The following SCAPER variants were observed in gnomAD, a reference collection of about 807,000 sequenced individuals.
SCAPER encodes S-phase cyclin A associated protein in the ER, also known as S phase cyclin A-associated protein in the endoplasmic reticulum.
SCAPER carries 98 observed loss-of-function variants against 182.2 expected under a neutral mutation model. That is an observed-to-expected ratio of 0.54 (90% CI 0.46 to 0.64). SCAPER has a LOEUF of 0.64. SCAPER is among the 30% of genes least tolerant of loss of function. The probability of loss-of-function intolerance (pLI) is 0.00; values close to 1 mark genes in which losing one functional copy is unlikely to be tolerated. For synonymous variants in SCAPER, 605 were observed against 564.6 expected (o/e 1.07, Z -1.01); for missense variants, 1,432 against 1,690.0 (o/e 0.85, Z 2.68).
intron 20 of SCAPER, among the ~76,000 whole-genome samples, chr15:76,679,222 C>G (rs2057544322): frequency 6.6e-6 from 1 of 152,112 alleles, no homozygotes. Context: ...TGAAATTTGT[C>G]AGAGGTGGGC....
At chr15:76,523,407 G>C (rs965860438) in intron 23 of SCAPER, among the ~76,000 whole-genome samples, 6 of 151,970 alleles carry the variant, frequency 3.9e-5, no homozygotes, top group African/African-American at 1.4e-4. Flanking sequence ...TGGTTCCCAG[G>C]TCAGTCACTG....
chr15:76,609,728 A>G (rs1298926716), intron 22 of SCAPER, among the ~76,000 whole-genome samples: 2 of 152,236 alleles, frequency 1.3e-5, no homozygotes, highest in Non-Finnish European at 2.9e-5. Context: ...GACATGATGT[A>G]CTAGGTAAAT....
At chr15:76,648,049 A>C (rs575178230) in intron 21 of SCAPER, among the ~76,000 whole-genome samples, 2 of 152,312 alleles carry the variant, frequency 1.3e-5, no homozygotes, top group South Asian at 2.1e-4. Context: ...CAATATATGA[A>C]AAAAATAAAA....
At chr15:76,506,479 T>C (rs1000707689) in intron 23 of SCAPER, among the ~76,000 whole-genome samples, 11 of 152,062 alleles carry the variant, frequency 7.2e-5, no homozygotes, top group Non-Finnish European at 1.6e-4. Context: ...TGATTTTAAT[T>C]ATAAGTACCT....
chr15:76,723,276 G>C (rs2060372518), intron 17 of SCAPER, among the ~76,000 whole-genome samples: 1 of 152,106 alleles, frequency 6.6e-6, no homozygotes, highest in Admixed American at 6.5e-5. Flanking sequence ...TAGTTTGATT[G>C]CACTGTGGTC....
intron 14 of SCAPER, among the ~76,000 whole-genome samples, chr15:76,755,866 A>T: frequency 6.6e-6 from 1 of 152,202 alleles, no homozygotes; most frequent in East Asian, 1.9e-4. Context: ...GCCCACAGCC[A>T]AAGGGGAACG....
chr15:76,702,934 G>T lies in SCAPER; in HGVS notation c.2316C>A (p.Ser772Arg). The change falls in exon 19 of 32, where the codon AGC becomes AGA. Residue 772 changes from serine to arginine, a missense_variant. Transcript: ENST00000563290. ...EQRKEKAAEL[S>R]SGRHANTDYA... ...AATCAGTATTTGCATGTCGCCCACT[G>T]CTTAGCTCAGCAGCTTTTTCTTTTC... 6.2e-7 allele frequency: 1 copy of T among 1,610,514 alleles called. No individual in the cohort carries two copies. The highest frequency in any genetic ancestry group is 8.5e-7 in the Non-Finnish European group (1 of 1,178,792).
chr15:76,372,012 TCTTA>T (rs765519719), intron 29 of SCAPER, among the ~76,000 whole-genome samples: 1 of 152,172 alleles, frequency 6.6e-6, no homozygotes, highest in African/African-American at 2.4e-5. Context: ...TCTATCAGCT[TCTTA>T]CTTCTCTACC....
At chr15:76,711,607 A>C (rs897210535) in intron 17 of SCAPER, among the ~76,000 whole-genome samples, 1 of 151,930 alleles carries the variant, frequency 6.6e-6, no homozygotes, top group African/African-American at 2.4e-5. Context: ...CTATGAAAAA[A>C]TAGTTTTTAA....
chr15:76,528,826 C>T (rs2043403001), intron 23 of SCAPER, among the ~76,000 whole-genome samples: 1 of 152,180 alleles, frequency 6.6e-6, no homozygotes, highest in Non-Finnish European at 1.5e-5. Flanking sequence ...CTGATTATCT[C>T]TCTAGTCTCA....
chr15:76,627,409 T>G (rs1326587333), intron 21 of SCAPER, among the ~76,000 whole-genome samples: 2 of 152,226 alleles, frequency 1.3e-5, no homozygotes. Flanking sequence ...AAGCCCAGCA[T>G]GCGTTAGCTA....
At position 76,574,192 on chromosome 15, in the gene SCAPER, G is replaced by A. The variant is rs2047654126; in HGVS notation, c.2804C>T (p.Thr935Ile). The change falls in exon 23 of 32, where the codon ACC becomes ATC. Residue 935 changes from threonine to isoleucine, a missense_variant. Around this residue, in one of 5 missense-constraint regions of SCAPER, gnomAD observed 718 missense variants for 799.7 expected, o/e 0.90. Coordinates refer to ENST00000563290, the MANE Select transcript of SCAPER (RefSeq NM_020843.4). ...ANNKVSALDR[T>I]LGEITRILEK... ...CAGTATTCTAGTGATCTCTCCTAGG[G>A]TCCGATCCAAAGCAGACACTTTATT... 1 of 1,609,356 alleles carries A rather than the reference G, an allele frequency of 6.2e-7. No homozygotes were observed. Among genetic ancestry groups the A allele is most frequent in the Admixed American group, 1.7e-5 (1 of 59,516 alleles).
intron 22 of SCAPER, among the ~76,000 whole-genome samples, chr15:76,581,823 C>T (rs928885908): frequency 6.6e-6 from 1 of 151,980 alleles, no homozygotes; most frequent in Non-Finnish European, 1.5e-5. Context: ...TGAGCTCAGG[C>T]AATCTGCCAG....
intron 20 of SCAPER, among the ~76,000 whole-genome samples, chr15:76,682,617 C>T (rs1219115944): frequency 6.6e-6 from 1 of 152,126 alleles, no homozygotes; most frequent in Admixed American, 6.5e-5. Context: ...GATCCCAAGG[C>T]ACCACCTCGA....
chr15:76,835,525 G>A (rs1404723246), intron 5 of SCAPER, among the ~76,000 whole-genome samples: 1 of 151,988 alleles, frequency 6.6e-6, no homozygotes, highest in African/African-American at 2.4e-5. Context: ...CAACAAACTA[G>A]GTATAAAGAT....
intron 23 of SCAPER, among the ~76,000 whole-genome samples, chr15:76,541,071 G>T (rs2044708293): frequency 6.6e-6 from 1 of 151,578 alleles, no homozygotes; most frequent in Non-Finnish European, 1.5e-5. Context: ...AGTGAGCCGA[G>T]ATCATGCCAC....
At chr15:76,865,870 T>C (rs1296464447) in intron 2 of SCAPER, among the ~76,000 whole-genome samples, 3 of 152,146 alleles carry the variant, frequency 2.0e-5, no homozygotes, top group Non-Finnish European at 2.9e-5. Flanking sequence ...ACCCTGAATA[T>C]CCATGTGTCA....
At chr15:76,701,691 T>G (rs1230561921) in intron 20 of SCAPER, 67 bp downstream of exon 20, 3 of 1,236,492 alleles carry the variant, frequency 2.4e-6, no homozygotes, top group Non-Finnish European at 3.5e-6. Context: ...CACGGAATTC[T>G]TTATAATAAA....
intron 2 of SCAPER, among the ~76,000 whole-genome samples, chr15:76,864,654 C>A (rs949917690): frequency 2.6e-5 from 4 of 151,460 alleles, no homozygotes; most frequent in Non-Finnish European, 4.4e-5. Flanking sequence ...CACTCTAGAG[C>A]AAGGGTCAGC....
Sources: allele counts gnomAD v4.1 joint callset (sites outside exome capture counted in the v4.1 genomes callset), GRCh38; gene constraint gnomAD v4.1.1; regional missense constraint gnomAD v4.1.1; transcripts MANE v1.5; gene names NCBI Gene and HGNC (gene_info 2026-07-23, HGNC 2026-07-21).